Variants in LRRFIP2 observed in about 807,000 individuals in gnomAD.
LRRFIP2 encodes the protein LRR binding FLII interacting protein 2, also known as leucine-rich repeat flightless-interacting protein 2.
A neutral mutation model predicts 125.9 loss-of-function variants in LRRFIP2; 109 were observed. The ratio of observed to expected loss-of-function variants is 0.87; its 90% CI spans 0.74 to 1.01. The LOEUF is 1.01. Among genes scored for constraint, LRRFIP2 ranks in the 50% least tolerant of loss-of-function variants. The probability of loss-of-function intolerance (pLI) is 0.00; values close to 1 mark genes in which losing one functional copy is unlikely to be tolerated. For synonymous variants in LRRFIP2, 291 were observed against 293.1 expected (o/e 0.99, Z 0.07); for missense variants, 850 against 862.3 (o/e 0.99, Z 0.18).
chr3:37,147,886 T>C (rs1026870409), intron 2 of LRRFIP2, among the ~76,000 whole-genome samples: 3 of 152,178 alleles, frequency 2.0e-5, no homozygotes, highest in African/African-American at 4.8e-5. Context: ...AGCGATTCAA[T>C]AGGTGACGCC....
chr3:37,055,938 A>T (rs1469282441), intron 25 of LRRFIP2, among the ~76,000 whole-genome samples: 3 of 152,172 alleles, frequency 2.0e-5, no homozygotes, highest in Non-Finnish European at 4.4e-5. Context: ...TTCAAGGCCA[A>T]GCTCAATTTT....
chr3:37,087,457 A>C (rs2093129851), intron 18 of LRRFIP2, among the ~76,000 whole-genome samples: 1 of 152,204 alleles, frequency 6.6e-6, no homozygotes, highest in African/African-American at 2.4e-5. Flanking sequence ...ATAAGACATA[A>C]ATGTATCCAA....
chr3:37,090,302 C>G (rs1030646959), intron 18 of LRRFIP2, among the ~76,000 whole-genome samples: 6 of 152,112 alleles, frequency 3.9e-5, no homozygotes, highest in Non-Finnish European at 8.8e-5. Context: ...CATCTCAGCT[C>G]ACTGCAACCT....
At chr3:37,148,151 T>A (rs1254100146) in intron 2 of LRRFIP2, among the ~76,000 whole-genome samples, 1 of 152,194 alleles carries the variant, frequency 6.6e-6, no homozygotes, top group Non-Finnish European at 1.5e-5. Context: ...TTATCCTAAG[T>A]TTACATTCGA....
chr3:37,071,788 C>T (rs1220855981), intron 21 of LRRFIP2, among the ~76,000 whole-genome samples: 1 of 152,172 alleles, frequency 6.6e-6, no homozygotes. Context: ...AAGCCTCTGG[C>T]AACTATGGCT....
chr3:37,125,065 T>A (rs1267387512), intron 4 of LRRFIP2, among the ~76,000 whole-genome samples: 2 of 152,088 alleles, frequency 1.3e-5, no homozygotes, highest in East Asian at 1.9e-4. Context: ...AAAAGACATG[T>A]ATTTGTTCAA....
intron 21 of LRRFIP2, chr3:37,066,756 TG>T (rs2090246623): frequency 6.2e-6 from 1 of 161,324 alleles, no homozygotes; most frequent in Non-Finnish European, 1.4e-5. Context: ...AGAATACAGT[TG>T]ATTTTTTAAA....
At chr3:37,166,869 T>C (rs2150350985) in intron 1 of LRRFIP2, among the ~76,000 whole-genome samples, 1 of 150,950 alleles carries the variant, frequency 6.6e-6, no homozygotes, top group African/African-American at 2.4e-5. Context: ...AAATACAAAA[T>C]TAGCTGGACA....
rs1317573797 is a variant in LRRFIP2 at position 37,166,418 on chromosome 3, G to A, written c.-56+8121C>T. 4.6e-5 allele frequency among the ~76,000 whole-genome samples: 7 copies of A among 151,492 alleles called. No homozygotes were observed. In the South Asian group the frequency reaches 8.3e-4, roughly 18 times the overall value. On this transcript the variant is annotated intron_variant, in intron 1 of 27. Transcript: ENST00000336686. ...ATCAAAAAGTAAAAAGGCAAACCACGGAATAAAAAAAAATTTGCAAATCAC... is the reference window on the plus strand; with the variant it reads ...ATCAAAAAGTAAAAAGGCAAACCACAGAATAAAAAAAAATTTGCAAATCAC...
rs1178173125 is a variant in LRRFIP2 at position 37,097,188 on chromosome 3, C to T, written c.874-528G>A. Among the ~76,000 whole-genome samples the T allele has an allele frequency of 6.1e-5, 9 of 146,496 alleles. No homozygotes were observed. The East Asian group carries it at 1.8e-3, about 29-fold the overall frequency. On this transcript the variant is annotated intron_variant, in intron 15 of 27. Coordinates refer to ENST00000336686, the MANE Select transcript of LRRFIP2 (RefSeq NM_006309.4). ...TTTTTTGTTTTCTCAGTAATACATG[C>T]ACATGACCAAAAAAAAAAAAAAAAT...
intron 21 of LRRFIP2, among the ~76,000 whole-genome samples, chr3:37,068,940 C>T (rs2090667912): frequency 6.6e-6 from 1 of 152,168 alleles, no homozygotes; most frequent in Admixed American, 6.6e-5. Context: ...ATGAACTGAA[C>T]TTTAACCTGG....
intron 1 of LRRFIP2, among the ~76,000 whole-genome samples, chr3:37,151,468 T>G (rs13093240): frequency 0.99 from 150,183 of 152,250 alleles, 74,104 homozygotes; most frequent in East Asian, 1. Context: ...TTTCTCAGAG[T>G]TCTCTAATCA....
chr3:37,148,792 C>T, intron 2 of LRRFIP2, 102 bp downstream of exon 2: 1 of 1,257,330 alleles, frequency 8.0e-7, no homozygotes, highest in Non-Finnish European at 1.1e-6. Flanking sequence ...TAATAAACAT[C>T]TGAAACTAGT....
In LRRFIP2 at chr3:37,083,767, T is replaced by C. The variant is rs2092823202; in HGVS notation, c.1147A>G (p.Met383Val). The C allele has an allele frequency of 1.3e-6, 2 of 1,595,166 alleles. No homozygotes were observed. Among genetic ancestry groups the C allele is most frequent in the Admixed American group, 1.8e-5 (1 of 55,066 alleles). ...SEVEEKYKKAMVSNAQLDNEK... is the reference protein window; with the variant it reads ...SEVEEKYKKAVVSNAQLDNEK... The stretch of plus-strand genomic sequence containing the variant: ...TTGTCTAACTGTGCATTGGAAACCA[T>C]GGCTTTCTTGTATTTTTCTTCCACT... Residue 383 changes from methionine to valine, a missense_variant, in exon 19 of 28, where the codon ATG (methionine) becomes GTG (valine). Transcript: ENST00000336686.
chr3:37,058,253 T>G (rs1327533308), intron 25 of LRRFIP2, among the ~76,000 whole-genome samples: 2 of 152,182 alleles, frequency 1.3e-5, no homozygotes, highest in Non-Finnish European at 2.9e-5. Context: ...GTAAGAGCAA[T>G]AAACCTCATT....
At chr3:37,175,092 A>G (rs2096639729), upstream of LRRFIP2, 1 of 152,264 alleles carries the variant, frequency 6.6e-6, no homozygotes, top group Admixed American at 6.5e-5. Context: ...ATATAGATTT[A>G]TCCTCAAAAT....
At chr3:37,072,741 G>A (rs754331601) in intron 21 of LRRFIP2, 49 bp downstream of exon 21, 5 of 1,092,496 alleles carry the variant, frequency 4.6e-6, no homozygotes, top group Non-Finnish European at 7.0e-6. Flanking sequence ...AAATTCTACT[G>A]TAGTCCTCAT....
intron 2 of LRRFIP2, among the ~76,000 whole-genome samples, chr3:37,147,789 T>TA (rs2095895890): frequency 6.6e-6 from 1 of 152,236 alleles, no homozygotes; most frequent in Non-Finnish European, 1.5e-5. Flanking sequence ...CAGTTGCAGA[T>TA]AGAGTCTGAA....
intron 13 of LRRFIP2, among the ~76,000 whole-genome samples, chr3:37,107,128 T>A (rs1307669145): frequency 6.6e-6 from 1 of 152,042 alleles, no homozygotes; most frequent in African/African-American, 2.4e-5. Flanking sequence ...AGTCTCAAAC[T>A]CCCGATCTCA....
Sources: gnomAD v4.1 joint callset for allele counts (sites outside exome capture counted in the v4.1 genomes callset) on GRCh38, gnomAD v4.1.1 for gene constraint, MANE v1.5 for transcripts, NCBI Gene and HGNC (gene_info 2026-07-23, HGNC 2026-07-21) for gene names.